Variants in BRWD3 observed in about 807,000 individuals in gnomAD.
BRWD3 encodes bromodomain and WD repeat-containing protein 3.
In BRWD3, 10 loss-of-function variants were observed where a neutral mutation model predicts 149.7. The observed-to-expected ratio is 0.07, with a 90% CI of 0.04 to 0.11. BRWD3 has a LOEUF of 0.11. BRWD3 is among the 10% of genes least tolerant of loss of function. The probability of loss-of-function intolerance (pLI) is 1.00; values close to 1 mark genes in which losing one functional copy is unlikely to be tolerated. For synonymous variants in BRWD3, 504 were observed against 456.7 expected, an observed-to-expected ratio of 1.10 and a Z score of -1.32; for missense variants, 940 against 1,373.2, an observed-to-expected ratio of 0.68 and a Z score of 4.99.
At chrX:80,697,827 T>C (rs942656199) in intron 25 of BRWD3, among the ~76,000 whole-genome samples, 1 of 112,249 alleles carries the variant, frequency 8.9e-6, no homozygotes. Context: ...CCTTTGGGTA[T>C]ATACCCAGTA....
At chrX:80,683,803 T>C (rs1489293801) in intron 37 of BRWD3, among the ~76,000 whole-genome samples, 1 of 111,410 alleles carries the variant, frequency 9.0e-6, no homozygotes, top group African/African-American at 3.3e-5. Context: ...CTCCTTGTTT[T>C]TTCTCTGGTA....
intron 31 of BRWD3, 75 bp from the exon 32 acceptor site, chrX:80,690,167 C>A: frequency 9.7e-7 from 1 of 1,035,679 alleles, no homozygotes. Context: ...CAATATGGAA[C>A]AAATATGTAC....
At position 80,802,442 on chromosome X, in the gene BRWD3, T is replaced by TAAA. The variant is rs760675783; in HGVS notation, c.180+6094_180+6096dup. 2.6e-3 allele frequency among the ~76,000 whole-genome samples: 126 copies of TAAA among 48,872 alleles called. 2 individuals carry two copies. The highest frequency in any genetic ancestry group is 8.1e-3 in the African/African-American group (96 of 11,834). 42.4% of individuals were successfully genotyped at this position (48,872 alleles called of 115,157 possible). A position where few individuals can be genotyped will look rare whatever the true frequency, so the allele number is the denominator to read the frequency against. ...GGGCGACAGAGCAAGACTCTCATCT[T>TAAA]AAAAAAAAAAAAAAAAAAAAAAAAA... On this transcript the variant is annotated intron_variant, in intron 4 of 40. Transcript: ENST00000373275.
At chrX:80,768,822 T>C (rs113372641) in intron 6 of BRWD3, among the ~76,000 whole-genome samples, 3,302 of 110,178 alleles carry the variant, frequency 0.03, 64 homozygotes, top group Non-Finnish European at 0.05. Context: ...CAGTGTGATG[T>C]ATTCAGGAGA....
At chrX:80,772,377 C>A (rs927473200) in intron 6 of BRWD3, among the ~76,000 whole-genome samples, 1 of 111,073 alleles carries the variant, frequency 9.0e-6, no homozygotes, top group South Asian at 3.8e-4. Flanking sequence ...GACAGAAAAC[C>A]GAACACCGCA....
intron 6 of BRWD3, among the ~76,000 whole-genome samples, chrX:80,770,173 C>T (rs913784480): frequency 3.6e-5 from 4 of 111,424 alleles, no homozygotes; most frequent in African/African-American, 9.8e-5. Flanking sequence ...ACCAGAGGTA[C>T]TAAGAGGAGC....
At chrX:80,710,748 T>A (rs972055336) in intron 20 of BRWD3, 2 of 508,933 alleles carry the variant, frequency 3.9e-6, no homozygotes, top group Non-Finnish European at 6.9e-6. Context: ...AAATATGTAA[T>A]AATGCTGGAA....
intron 4 of BRWD3, among the ~76,000 whole-genome samples, chrX:80,807,111 T>A (rs2074355584): frequency 8.9e-6 from 1 of 112,200 alleles, no homozygotes; most frequent in Non-Finnish European, 1.9e-5. Context: ...TTAAAACATA[T>A]TAGTAGGCAC....
rs921350906 is a variant in BRWD3, at chrX:80,729,903, CAT to C, written c.1232+11_1232+12del. 2.8e-6 allele frequency: 3 copies of C among 1,060,475 alleles called. No individual in the cohort carries two copies. Among genetic ancestry groups the C allele is most frequent in the Non-Finnish European group, 4.0e-6 (3 of 758,099 alleles). The allele number at this position is 1,060,475 out of a possible 1,213,427, so 87.4% of individuals were successfully genotyped here. A position where few individuals can be genotyped will look rare whatever the true frequency, so the allele number is the denominator to read the frequency against. On this transcript the variant is annotated intron_variant, in intron 13 of 40. Coordinates refer to ENST00000373275, the MANE Select transcript of BRWD3 (RefSeq NM_153252.5). ...TCATGAGAACCACATAAACATCTAA[CAT>C]ATATTCTTACCCAGTCATTTTAGTA... is the stretch of plus-strand genomic sequence containing the variant.
Position 80,677,042 on chromosome X carries a change from C to T in BRWD3, c.4976G>A (p.Gly1659Asp). 1 of 1,211,335 alleles carries T rather than the reference C, an allele frequency of 8.3e-7. No individual in the cohort carries two copies. Among genetic ancestry groups the T allele is most frequent in the African/African-American group, 1.7e-5 (1 of 57,677 alleles). The stretch of plus-strand genomic sequence containing the variant: ...GGTCTTCCAATTTCTTTTTCCATTG[C>T]CATGTTGCTTTCTGAGTTTTCTTTT... ...RPKRKLRKQH[G>D]NGKRNWKTRG... The change falls in exon 41 of 41, where the codon GGC becomes GAC. Residue 1659 changes from glycine to aspartate, a missense_variant. Gly to Asp is a moderately conservative substitution (Grantham distance 94). This residue lies in a region of BRWD3 where 349 missense variants were observed against 419.6 expected (regional missense o/e 0.83). Coordinates refer to ENST00000373275, the MANE Select transcript of BRWD3 (RefSeq NM_153252.5).
chrX:80,698,808 C>T (rs2072740219), intron 25 of BRWD3, among the ~76,000 whole-genome samples: 1 of 111,131 alleles, frequency 9.0e-6, no homozygotes, highest in Admixed American at 9.6e-5. Context: ...GGAGCTGTCC[C>T]TATCTTCCAG....
intron 4 of BRWD3, among the ~76,000 whole-genome samples, chrX:80,800,743 G>A (rs1037404605): frequency 1.8e-5 from 2 of 110,035 alleles, no homozygotes; most frequent in Non-Finnish European, 3.8e-5. Context: ...GTGAAAAACC[G>A]GGCAGGGGAA....
chrX:80,749,596 G>A (rs1261906919), intron 6 of BRWD3, among the ~76,000 whole-genome samples: 2 of 110,945 alleles, frequency 1.8e-5, no homozygotes, highest in Non-Finnish European at 3.8e-5. Context: ...TGAGTCTCCT[G>A]TAGGCAGCAT....
chrX:80,729,236 A>G (rs752434666), intron 13 of BRWD3, among the ~76,000 whole-genome samples: 1 of 111,762 alleles, frequency 8.9e-6, no homozygotes, highest in Non-Finnish European at 1.9e-5. Context: ...ATGAAAACAT[A>G]ATGGCCAATT....
At chrX:80,734,313 A>T in intron 10 of BRWD3, 95 bp from the exon 11 acceptor site, 1 of 567,632 alleles carries the variant, frequency 1.8e-6, no homozygotes, top group Non-Finnish European at 3.0e-6. Flanking sequence ...GCATTAGTAA[A>T]AAGGCTTAAA....
chrX:80,733,468 T>C lies in BRWD3; in HGVS notation c.1115A>G (p.Asn372Ser). The change falls in exon 12 of 41, where the codon AAC becomes AGC. Residue 372 changes from asparagine to serine, a missense_variant. Asn to Ser is a conservative substitution (Grantham distance 46). Around this residue, in one of 6 missense-constraint regions of BRWD3, gnomAD observed 209 missense variants for 396.8 expected, o/e 0.53. Coordinates refer to ENST00000373275, the MANE Select transcript of BRWD3 (RefSeq NM_153252.5). ...TDKVVAVQFC[N>S]NGDSLRFVSG... ...ATTACATAATTACCTGTCTCCATTG[T>C]TACAGAACTGAACAGCAACAACTTT... 2 of 1,200,582 alleles carry C rather than the reference T, an allele frequency of 1.7e-6. No individual in the cohort carries two copies. Among genetic ancestry groups the C allele is most frequent in the Non-Finnish European group, 2.3e-6 (2 of 886,367 alleles).
chrX:80,710,803 GTA>G, intron 20 of BRWD3: 1 of 382,840 alleles, frequency 2.6e-6, no homozygotes, highest in East Asian at 5.8e-5. Flanking sequence ...TGGTGGAATG[GTA>G]TGTTTTAGGA....
intron 22 of BRWD3, 118 bp downstream of exon 22, chrX:80,707,309 A>G: frequency 1.4e-6 from 1 of 713,071 alleles, no homozygotes; most frequent in South Asian, 2.6e-5. Flanking sequence ...CTTCCAGCCA[A>G]TACCTTTTCT....
Position 80,809,714 on chromosome X carries a change from A to G in BRWD3, c.-243T>C. ...GAGAGGGAGAGGGAGAGAGAGAGTG[A>G]GTGAGTGAGAGAGAGAGAGAGAAGA... On this transcript the variant is annotated 5_prime_UTR_variant, in exon 1 of 41. Coordinates refer to ENST00000373275, the MANE Select transcript of BRWD3 (RefSeq NM_153252.5). The G allele has an allele frequency of 3.4e-6, 1 of 290,450 alleles. No individual in the cohort carries two copies. Among genetic ancestry groups the G allele is most frequent in the Non-Finnish European group, 6.1e-6 (1 of 163,528 alleles). 23.9% of individuals were successfully genotyped at this position (290,450 alleles called of 1,213,427 possible). A position where few individuals can be genotyped will look rare whatever the true frequency, so the allele number is the denominator to read the frequency against.
Sources: gnomAD v4.1 joint callset for allele counts (sites outside exome capture counted in the v4.1 genomes callset) on GRCh38, gnomAD v4.1.1 for gene constraint, gnomAD v4.1.1 regional missense constraint, MANE v1.5 for transcripts, NCBI Gene and HGNC (gene_info 2026-07-23, HGNC 2026-07-21) for gene names.